The following GAPVD1 variants were observed in gnomAD, a reference collection of about 807,000 sequenced individuals.
GAPVD1 encodes GTPase activating protein and VPS9 domains 1.
GAPVD1 carries 35 observed loss-of-function variants against 155.5 expected under a neutral mutation model. The ratio of observed to expected loss-of-function variants is 0.23; its 90% CI spans 0.17 to 0.30. The LOEUF (loss-of-function observed/expected upper bound fraction) is 0.30, where lower values mean the gene tolerates loss of function less well. Ranked by LOEUF, GAPVD1 falls within the 10% of genes least tolerant of loss-of-function variation. The pLI is 1.00. For missense variants in GAPVD1, 1,429 were observed against 1,775.7 expected (o/e 0.80, Z 3.51); for synonymous variants, 636 against 619.7 (o/e 1.03, Z -0.39).
At chr9:125,328,298 TA>T (rs1845517592) in intron 12 of GAPVD1, among the ~76,000 whole-genome samples, 1 of 137,698 alleles carries the variant, frequency 7.3e-6, no homozygotes, top group Non-Finnish European at 1.5e-5. Context: ...GGTCAGCAGA[TA>T]AACAAGTGAA....
intron 11 of GAPVD1, among the ~76,000 whole-genome samples, chr9:125,325,348 C>G (rs1273620593): frequency 1.3e-5 from 2 of 151,728 alleles, no homozygotes; most frequent in African/African-American, 2.4e-5. Context: ...CGGTGAAACC[C>G]TGTCTCTACT....
In GAPVD1 at chr9:125,350,369, C is replaced by T. The variant is rs1849118330; in HGVS notation, c.3374C>T (p.Thr1125Ile). ...SVAFPVLTHS[T>I]RNGLPDHTDP... ...GCCTTCCCAGTGCTGACCCATTCAA[C>T]AAGGAATGGTTTACCAGACCACACA... The change falls in exon 22 of 28, where the codon ACA becomes ATA. Residue 1125 changes from threonine (T) to isoleucine (I), a missense_variant. Thr to Ile is a moderately conservative substitution (Grantham distance 89). Around this residue, in one of 4 missense-constraint regions of GAPVD1, gnomAD observed 699 missense variants for 826.0 expected, o/e 0.85. Transcript: ENST00000297933. 6.2e-7 allele frequency: 1 copy of T among 1,607,820 alleles called. No individual in the cohort carries two copies.
intron 5 of GAPVD1, among the ~76,000 whole-genome samples, chr9:125,304,694 A>G (rs1265996343): frequency 6.6e-6 from 1 of 152,260 alleles, no homozygotes; most frequent in Non-Finnish European, 1.5e-5. Context: ...TGTTCTTAAT[A>G]TTAACTTAAG....
intron 10 of GAPVD1, among the ~76,000 whole-genome samples, chr9:125,323,317 G>GT (rs1290478910): frequency 2.0e-5 from 3 of 149,442 alleles, no homozygotes; most frequent in Non-Finnish European, 4.5e-5. Context: ...GTTTTGTTTT[G>GT]TTTTTTGAGA....
intron 3 of GAPVD1, among the ~76,000 whole-genome samples, chr9:125,298,481 ATTTTTTTTTT>A (rs34644117): frequency 4.5e-5 from 4 of 89,250 alleles, no homozygotes; most frequent in Non-Finnish European, 8.1e-5. Context: ...ATGTAACCTA[ATTTTTTTTTT>A]TTTTTTTTTT....
intron 23 of GAPVD1, 120 bp downstream of exon 23, chr9:125,350,992 G>A: frequency 1.3e-6 from 1 of 781,382 alleles, no homozygotes. Flanking sequence ...GTATTTTCCT[G>A]GATGTAGATT....
rs1431386598 is a variant in GAPVD1, at chr9:125,363,530, G to A, written c.*784G>A. 6.6e-6 allele frequency: 1 copy of A among 152,216 alleles called. No individual in the cohort carries two copies. 9.4% of individuals were successfully genotyped at this position (152,216 alleles called of 1,614,324 possible). On this transcript the variant is annotated 3_prime_UTR_variant, in exon 28 of 28. Coordinates refer to ENST00000297933, the MANE Select transcript of GAPVD1 (RefSeq NM_001282680.3). ...TAAGTCACTTAGACATCTCACCGTG[G>A]AAGTTTGTGAGCCTGCATTAGGAGA...
At chr9:125,312,002 A>G (rs1842745260) in intron 8 of GAPVD1, among the ~76,000 whole-genome samples, 1 of 152,166 alleles carries the variant, frequency 6.6e-6, no homozygotes, top group Non-Finnish European at 1.5e-5. Flanking sequence ...TTACAGGAGT[A>G]ATCCCTCATA....
chr9:125,350,223 A>G (rs1179610200), intron 21 of GAPVD1, 72 bp from the exon 22 acceptor site: 3 of 870,108 alleles, frequency 3.4e-6, no homozygotes, highest in Admixed American at 5.0e-5. Flanking sequence ...ACATTAATTT[A>G]TATAGTAAAT....
In GAPVD1 at chr9:125,362,648, A is replaced by G. The variant is rs1851112011; in HGVS notation, c.4285A>G (p.Ser1429Gly). 1 of 1,613,316 alleles carries G rather than the reference A, an allele frequency of 6.2e-7. No individual in the cohort carries two copies. The highest frequency in any genetic ancestry group is 8.5e-7 in the Non-Finnish European group (1 of 1,179,498). Residue 1429 changes from serine to glycine, a missense_variant, in exon 28 of 28, where the codon AGC (serine) becomes GGC (glycine). Ser to Gly is a moderately conservative substitution (Grantham distance 56). Coordinates refer to ENST00000297933, the MANE Select transcript of GAPVD1 (RefSeq NM_001282680.3). ...CLLSTVQYISSFYASCLSGEE... is the reference protein window; with the variant it reads ...CLLSTVQYISGFYASCLSGEE... ...GCTGTCTACTGTGCAGTATATCAGT[A>G]GCTTTTATGCTAGCTGTCTGTCTGG...
At chr9:125,293,628 TTA>T (rs1410034205) in intron 2 of GAPVD1, among the ~76,000 whole-genome samples, 17 of 129,536 alleles carry the variant, frequency 1.3e-4, no homozygotes, top group African/African-American at 2.7e-4. Flanking sequence ...TTTATATATA[TTA>T]TATATATATA....
intron 8 of GAPVD1, chr9:125,308,098 G>A (rs1842127983): frequency 1.7e-6 from 1 of 593,460 alleles, no homozygotes; most frequent in Non-Finnish European, 3.0e-6. Context: ...ATTAATTGAA[G>A]TCATGCTATC....
intron 10 of GAPVD1, among the ~76,000 whole-genome samples, chr9:125,322,912 G>A (rs1457642323): frequency 6.6e-6 from 1 of 151,878 alleles, no homozygotes; most frequent in Non-Finnish European, 1.5e-5. Context: ...AATTAGCTGG[G>A]TGTGGCAGCG....
intron 9 of GAPVD1, among the ~76,000 whole-genome samples, chr9:125,316,093 A>G (rs948563529): frequency 6.6e-6 from 1 of 152,186 alleles, no homozygotes; most frequent in Admixed American, 6.6e-5. Flanking sequence ...GAAAATTTAG[A>G]GAGATCATTA....
intron 17 of GAPVD1, among the ~76,000 whole-genome samples, chr9:125,339,760 C>T (rs1310421586): frequency 1.3e-5 from 2 of 152,204 alleles, no homozygotes; most frequent in African/African-American, 4.8e-5. Flanking sequence ...ATTTGTAACT[C>T]ATTTCTCCAA....
intron 12 of GAPVD1, among the ~76,000 whole-genome samples, chr9:125,329,016 G>C (rs981711185): frequency 1.3e-5 from 2 of 148,626 alleles, no homozygotes; most frequent in Non-Finnish European, 3.0e-5. Context: ...GCAGGCACTC[G>C]GCAGGCTGAG....
At chr9:125,274,174 C>T (rs571284805) in intron 2 of GAPVD1, among the ~76,000 whole-genome samples, 49 of 151,586 alleles carry the variant, frequency 3.2e-4, no homozygotes, top group African/African-American at 1.1e-3. Flanking sequence ...AACGCCACCA[C>T]GTCCAGCTAA....
intron 2 of GAPVD1, among the ~76,000 whole-genome samples, chr9:125,294,015 C>T (rs868099966): frequency 1.6e-4 from 24 of 149,836 alleles, no homozygotes; most frequent in Admixed American, 4.8e-4. Flanking sequence ...TGGCTTCAAG[C>T]GATTCTTCTG....
At chr9:125,277,002 G>A (rs1420308783) in intron 2 of GAPVD1, among the ~76,000 whole-genome samples, 1 of 152,020 alleles carries the variant, frequency 6.6e-6, no homozygotes, top group Non-Finnish European at 1.5e-5. Context: ...CTGGCCTCAG[G>A]CGATCCTCCC....
Sources: gnomAD v4.1 joint callset for allele counts (sites outside exome capture counted in the v4.1 genomes callset) on GRCh38, gnomAD v4.1.1 for gene constraint, gnomAD v4.1.1 regional missense constraint, MANE v1.5 for transcripts, NCBI Gene and HGNC (gene_info 2026-07-23, HGNC 2026-07-21) for gene names.